Variants in MAPKAPK5 observed in about 807,000 individuals in gnomAD.
MAPKAPK5 encodes MAPK activated protein kinase 5, also known as MAP kinase-activated protein kinase 5.
In MAPKAPK5, 30 loss-of-function variants were observed where a neutral mutation model predicts 65.1. The ratio of observed to expected loss-of-function variants is 0.46; its 90% CI spans 0.34 to 0.63. MAPKAPK5 has a LOEUF of 0.63. Among genes scored for constraint, MAPKAPK5 ranks in the 20% least tolerant of loss-of-function variants. MAPKAPK5 has a pLI of 0.01. For synonymous variants in MAPKAPK5, 179 were observed against 204.6 expected, an observed-to-expected ratio of 0.87 and a Z score of 1.07; for missense variants, 433 against 581.4, an observed-to-expected ratio of 0.74 and a Z score of 2.63.
chr12:111,862,952 C>A (rs1419453428), intron 1 of MAPKAPK5, among the ~76,000 whole-genome samples: 1 of 152,068 alleles, frequency 6.6e-6, no homozygotes, highest in Non-Finnish European at 1.5e-5. Flanking sequence ...TCAAACAGGT[C>A]ATGTAGCAGA....
At chr12:111,855,898 C>T (rs1191406315) in intron 1 of MAPKAPK5, among the ~76,000 whole-genome samples, 8 of 150,448 alleles carry the variant, frequency 5.3e-5, no homozygotes, top group African/African-American at 2.0e-4. Context: ...TCTTGTTGCC[C>T]AGGCTGGAGT....
At chr12:111,868,885 C>G (rs781731530) in intron 5 of MAPKAPK5, 24 bp downstream of exon 5, 3 of 1,513,942 alleles carry the variant, frequency 2.0e-6, no homozygotes, top group South Asian at 1.2e-5. Flanking sequence ...AGGTACCAAT[C>G]AAACTGCCAC....
At chr12:111,873,635 G>A (rs1008599539) in intron 7 of MAPKAPK5, among the ~76,000 whole-genome samples, 2 of 152,108 alleles carry the variant, frequency 1.3e-5, no homozygotes, top group Non-Finnish European at 1.5e-5. Context: ...GAGCCACTGC[G>A]CCTGGCCTGA....
chr12:111,877,945 G>A (rs1014545477), intron 7 of MAPKAPK5, among the ~76,000 whole-genome samples: 1 of 151,380 alleles, frequency 6.6e-6, no homozygotes, highest in Non-Finnish European at 1.5e-5. Flanking sequence ...TCCTGCCTCA[G>A]CCTCCTAACT....
At chr12:111,876,097 C>T (rs1251335726) in intron 7 of MAPKAPK5, among the ~76,000 whole-genome samples, 4 of 150,104 alleles carry the variant, frequency 2.7e-5, no homozygotes, top group Non-Finnish European at 5.9e-5. Context: ...ATCCCAGCTT[C>T]TCGGGAGGCT....
rs2070304907 is a variant in MAPKAPK5 at position 111,883,449 on chromosome 12, C to T, written c.661-132C>T. 7.4e-6 allele frequency: 5 copies of T among 676,672 alleles called. No homozygotes were observed. The highest frequency in any genetic ancestry group is 1.3e-5 in the Non-Finnish European group (5 of 397,684). The allele number at this position is 676,672 out of a possible 1,614,324, so 41.9% of individuals were successfully genotyped here. A position where few individuals can be genotyped will look rare whatever the true frequency, so the allele number is the denominator to read the frequency against. On this transcript the variant is annotated intron_variant, in intron 8 of 13. Coordinates refer to ENST00000550735, the MANE Select transcript of MAPKAPK5 (RefSeq NM_003668.4). The surrounding 1 kb of genome is among the most constrained non-coding windows in gnomAD (Gnocchi z 4.8). ...TTCTCCTAAGACTTCCTTCAGCTTT[C>T]CTAGTCTCTGTTAAGTGACTCTAGT...
In MAPKAPK5 at chr12:111,842,438, A is replaced by C; in HGVS notation, c.-296A>C. On this transcript the variant is annotated 5_prime_UTR_variant, in exon 1 of 14. Transcript: ENST00000550735. ...GGCCCTCCCCGCCTCGCCCTACCCC[A>C]GGAGCCTGCCTCCCCAGCTGGGGAT... is the stretch of plus-strand genomic sequence containing the variant. The C allele has an allele frequency of 3.8e-6, 1 of 261,570 alleles. No homozygotes were observed. Among genetic ancestry groups the C allele is most frequent in the Middle Eastern group, 1.2e-3 (1 of 856 alleles). The allele number at this position is 261,570 out of a possible 1,614,324, so 16.2% of individuals were successfully genotyped here.
chr12:111,900,711 T>C lies in MAPKAPK5; in HGVS notation c.*7650T>C, dbSNP rs1251960289. On this transcript the variant is annotated 3_prime_UTR_variant, in exon 14 of 14. Coordinates refer to ENST00000550735, the MANE Select transcript of MAPKAPK5 (RefSeq NM_003668.4). ...TGGTCCATGTTGTCATAAGTGTAAA[T>C]TTCACCGTAAGGGATATCCTTGCTG... The C allele has an allele frequency of 1.1e-5, 5 of 455,978 alleles. No individual in the cohort carries two copies. The highest frequency in any genetic ancestry group is 2.0e-5 in the African/African-American group (1 of 50,070). The allele number at this position is 455,978 out of a possible 1,614,324, so 28.2% of individuals were successfully genotyped here.
rs1198208932 is a variant in MAPKAPK5 at position 111,842,522 on chromosome 12, C to T, written c.-212C>T. 2 of 359,298 alleles carry T rather than the reference C, an allele frequency of 5.6e-6. No homozygotes were observed. Among genetic ancestry groups the T allele is most frequent in the Non-Finnish European group, 1.0e-5 (2 of 197,316 alleles). 22.3% of individuals were successfully genotyped at this position (359,298 alleles called of 1,614,324 possible). A position where few individuals can be genotyped will look rare whatever the true frequency, so the allele number is the denominator to read the frequency against. ...AAAGACCTGTCCCCAGGGGCCGCCG[C>T]CTCCGCCGCTGCTGCTGCCGCCAGC... On this transcript the variant is annotated 5_prime_UTR_variant, in exon 1 of 14. Transcript: ENST00000550735.
At chr12:111,860,706 A>T (rs2069409799) in intron 1 of MAPKAPK5, among the ~76,000 whole-genome samples, 1 of 151,986 alleles carries the variant, frequency 6.6e-6, no homozygotes, top group Admixed American at 6.6e-5. Flanking sequence ...TTTTACCTGA[A>T]CCTCTAGCAG....
At chr12:111,847,206 G>C (rs1182400813) in intron 1 of MAPKAPK5, among the ~76,000 whole-genome samples, 1 of 151,978 alleles carries the variant, frequency 6.6e-6, no homozygotes, top group Non-Finnish European at 1.5e-5. Context: ...AAATTAGCTG[G>C]GTGTGGTGGC....
chr12:111,842,985 A>G, intron 1 of MAPKAPK5: 1 of 410,846 alleles, frequency 2.4e-6, no homozygotes, highest in Admixed American at 4.4e-5. Flanking sequence ...TTCCCTGGTG[A>G]GTGTGATTTG....
chr12:111,872,589 ATTATC>A (rs1292877075), intron 7 of MAPKAPK5, among the ~76,000 whole-genome samples: 4 of 152,306 alleles, frequency 2.6e-5, no homozygotes, highest in Admixed American at 2.0e-4. Context: ...ACAGAAATGT[ATTATC>A]TTATACTTCT....
At position 111,901,126 on chromosome 12, in the gene MAPKAPK5, G is replaced by C. The variant is rs1422716352; in HGVS notation, c.*8065G>C. The C allele has an allele frequency of 4.4e-6, 2 of 455,972 alleles. No homozygotes were observed. Among genetic ancestry groups the C allele is most frequent in the Non-Finnish European group, 8.8e-6 (2 of 226,818 alleles). The allele number at this position is 455,972 out of a possible 1,614,324, so 28.2% of individuals were successfully genotyped here. The stretch of plus-strand genomic sequence containing the variant: ...CCTCAGGGAGATGGCTCATGTTGGA[G>C]CATGGATGCCTATATGAGTACTGAC... On this transcript the variant is annotated 3_prime_UTR_variant, in exon 14 of 14. Transcript: ENST00000550735.
At chr12:111,882,431 T>C (rs960779189) in intron 8 of MAPKAPK5, among the ~76,000 whole-genome samples, 7 of 152,152 alleles carry the variant, frequency 4.6e-5, no homozygotes, top group Non-Finnish European at 1.0e-4. Flanking sequence ...ATTCAGCCTT[T>C]ATGCAGAGCA....
At chr12:111,858,182 G>A (rs1301254947) in intron 1 of MAPKAPK5, among the ~76,000 whole-genome samples, 5 of 152,266 alleles carry the variant, frequency 3.3e-5, no homozygotes, top group Admixed American at 3.3e-4. Flanking sequence ...TGGGATTACA[G>A]GCGTGAGCAA....
chr12:111,889,617 A>G (rs188851347), intron 12 of MAPKAPK5: 25 of 171,738 alleles, frequency 1.5e-4, no homozygotes, highest in Non-Finnish European at 2.2e-4. Context: ...GGGTTGACCT[A>G]TCTATCTCCC....
rs1244021156 is a variant in MAPKAPK5 at position 111,883,472 on chromosome 12, A to G, written c.661-109A>G. Reference sequence around the variant, plus strand: ...TTCCTAGTCTCTGTTAAGTGACTCTAGTTTATATCAGCCTATATATTGCAG... The same window carrying G: ...TTCCTAGTCTCTGTTAAGTGACTCTGGTTTATATCAGCCTATATATTGCAG... On this transcript the variant is annotated intron_variant, in intron 8 of 13. Transcript: ENST00000550735. This position sits in a 1 kb window ranked among gnomAD's most constrained non-coding sequence, Gnocchi z 4.8. The G allele has an allele frequency of 3.6e-6, 3 of 835,696 alleles. No individual in the cohort carries two copies. In the Admixed American group the frequency reaches 7.1e-5, roughly 20 times the overall value. 51.8% of individuals were successfully genotyped at this position (835,696 alleles called of 1,614,324 possible).
At position 111,899,713 on chromosome 12, in the gene MAPKAPK5, T is replaced by C. The variant is rs544235264; in HGVS notation, c.*6652T>C. 4 of 323,158 alleles carry C rather than the reference T, an allele frequency of 1.2e-5. No individual in the cohort carries two copies. Among genetic ancestry groups the C allele is most frequent in the East Asian group, 7.7e-5 (1 of 12,942 alleles). 20.0% of individuals were successfully genotyped at this position (323,158 alleles called of 1,614,324 possible). ...CATGACTGCCACTATGAAGGCTACATAGAAGGAGTGTCAGGTTCTTTTGTT... is the reference window on the plus strand; with the variant it reads ...CATGACTGCCACTATGAAGGCTACACAGAAGGAGTGTCAGGTTCTTTTGTT... On this transcript the variant is annotated 3_prime_UTR_variant, in exon 14 of 14. Coordinates refer to ENST00000550735, the MANE Select transcript of MAPKAPK5 (RefSeq NM_003668.4).
Sources: gnomAD v4.1 joint callset for allele counts (sites outside exome capture counted in the v4.1 genomes callset) on GRCh38, gnomAD v4.1.1 for gene constraint, Gnocchi (gnomAD v3.1) non-coding constraint, MANE v1.5 for transcripts, NCBI Gene and HGNC (gene_info 2026-07-23, HGNC 2026-07-21) for gene names.